KIAA0930: variants seen among roughly 807,000 people sequenced by gnomAD.
KIAA0930 encodes uncharacterized protein KIAA0930.
Under a neutral mutation model 43.9 loss-of-function variants are expected in KIAA0930, and 24 were observed. The observed-to-expected ratio is 0.55, with a 90% CI of 0.40 to 0.77. The LOEUF (loss-of-function observed/expected upper bound fraction) is 0.77. Among genes scored for constraint, KIAA0930 ranks in the 30% least tolerant of loss-of-function variants. The pLI is 0.00. For synonymous variants in KIAA0930, 259 were observed against 216.4 expected, an observed-to-expected ratio of 1.20 and a Z score of -1.73; for missense variants, 461 against 574.2, an observed-to-expected ratio of 0.80 and a Z score of 2.02.
At position 45,209,537 on chromosome 22, in the gene KIAA0930, C is replaced by T. The variant is rs147863774; in HGVS notation, c.216+2419G>A. On this transcript the variant is annotated intron_variant, in intron 2 of 9. Transcript: ENST00000336156. ...TGCACTCACTGGTCCCTCCACGGGG[C>T]GTGTCCTCAGCCCACTGCTGCCCGC... Among the ~76,000 whole-genome samples, 996 of 152,300 alleles carry T rather than the reference C, an allele frequency of 6.5e-3. 4 individuals carry two copies. Among genetic ancestry groups the T allele is most frequent in the Non-Finnish European group, 0.011 (753 of 68,018 alleles).
chr22:45,201,847 G>A (rs367618797), intron 7 of KIAA0930, among the ~76,000 whole-genome samples: 63 of 152,216 alleles, frequency 4.1e-4, no homozygotes, highest in African/African-American at 1.4e-3. Context: ...TATAACAAAC[G>A]CACACTCCCT....
intron 1 of KIAA0930, chr22:45,226,007 GA>G: frequency 3.4e-6 from 1 of 293,352 alleles, no homozygotes; most frequent in Non-Finnish European, 7.0e-6. Context: ...TCCCCACCCA[GA>G]AAAGGCCCTT....
At chr22:45,236,405 A>C (rs185450150) in intron 1 of KIAA0930, 93 of 152,412 alleles carry the variant, frequency 6.1e-4, no homozygotes, top group Middle Eastern at 3.4e-3. Flanking sequence ...TGCTTAGAGC[A>C]AAGTGAGCTT....
At chr22:45,238,578 A>G (rs931695062) in intron 1 of KIAA0930, among the ~76,000 whole-genome samples, 4 of 152,166 alleles carry the variant, frequency 2.6e-5, no homozygotes, top group African/African-American at 9.7e-5. Flanking sequence ...TTAAAGGAAA[A>G]CTTAGAGATG....
chr22:45,200,261 CGA>C (rs1325921251), intron 7 of KIAA0930: 1 of 447,712 alleles, frequency 2.2e-6, no homozygotes, highest in Non-Finnish European at 3.9e-6. Context: ...CAGTGCTACC[CGA>C]GGAGGGGCCA....
chr22:45,200,813 C>G (rs539978189), intron 7 of KIAA0930: 8 of 454,708 alleles, frequency 1.8e-5, no homozygotes, highest in Admixed American at 1.7e-4. Context: ...AGACAGCATG[C>G]TGGCTGTGGA....
chr22:45,238,565 G>C (rs2083899970), intron 1 of KIAA0930, among the ~76,000 whole-genome samples: 2 of 152,178 alleles, frequency 1.3e-5, no homozygotes, highest in Admixed American at 1.3e-4. Flanking sequence ...CTGGAGCTGA[G>C]ACTTAAAGGA....
chr22:45,203,985 C>G lies in KIAA0930; in HGVS notation c.517G>C (p.Val173Leu). Residue 173 changes from valine (V) to leucine (L), a missense_variant and splice_region_variant, in exon 6 of 10, where the codon GTG (valine) becomes CTG (leucine). Val to Leu is a conservative substitution (Grantham distance 32, BLOSUM62 1). Coordinates refer to ENST00000336156, the MANE Select transcript of KIAA0930 (RefSeq NM_001009880.2). ...TCCCCTACGGTCATGTCGCTGAACA[C>G]CTGGGCCAGGACACAAAGAGACAGG... ...IFFMIDSFEE[V>L]FSDMTVGEGE... 1 of 1,613,936 alleles carries G rather than the reference C, an allele frequency of 6.2e-7. No individual in the cohort carries two copies. The highest frequency in any genetic ancestry group is 2.2e-5 in the East Asian group (1 of 44,872).
intron 1 of KIAA0930, among the ~76,000 whole-genome samples, chr22:45,219,809 T>C (rs1185670096): frequency 6.6e-6 from 1 of 152,060 alleles, no homozygotes; most frequent in African/African-American, 2.4e-5. Flanking sequence ...CAGGCTGGTC[T>C]TGAGTGCCTG....
At chr22:45,223,797 GAGAC>G (rs1370046519) in intron 1 of KIAA0930, among the ~76,000 whole-genome samples, 1 of 141,362 alleles carries the variant, frequency 7.1e-6, no homozygotes, top group Non-Finnish European at 1.5e-5. Context: ...GGTCAGCACT[GAGAC>G]AGCACCCAGG....
chr22:45,204,902 C>G, intron 5 of KIAA0930, among the ~76,000 whole-genome samples: 1 of 152,272 alleles, frequency 6.6e-6, no homozygotes. Context: ...TCCTCCCGCC[C>G]GGGCAGTGCT....
At position 45,205,662 on chromosome 22, in the gene KIAA0930, C is replaced by T. The variant is rs767416805; in HGVS notation, c.382G>A (p.Gly128Arg). Residue 128 changes from glycine (G) to arginine (R), a missense_variant, in exon 4 of 10, where the codon GGG (glycine) becomes AGG (arginine). By Grantham distance (125) the Gly-to-Arg change is moderately radical. Transcript: ENST00000336156. ...TCAVCTRADG[G>R]DIHIHKKKSQ... ...TTCTTCTTATGGATGTGAATGTCCC[C>T]GCCGTCAGCACGTGTGCACACCGCA... 3.1e-5 allele frequency: 50 copies of T among 1,613,974 alleles called. No individual in the cohort carries two copies. The highest frequency in any genetic ancestry group is 1.6e-4 in the Middle Eastern group (1 of 6,084).
At position 45,197,838 on chromosome 22, in the gene KIAA0930, A is replaced by G; in HGVS notation, c.1126T>C (p.Tyr376His). ...LNRADGNFLL[Y>H]AHLTYVTLPL... ...AACGTGACGTAGGTTAAGTGTGCAT[A>G]GAGAAGGAAGTTTCCATCTGCTCTG... Residue 376 changes from tyrosine to histidine, a missense_variant, in exon 9 of 10, where the codon TAT (tyrosine) becomes CAT (histidine). Physicochemically the swap from Tyr to His is moderately conservative, Grantham distance 83. Transcript: ENST00000336156. 6.2e-7 allele frequency: 1 copy of G among 1,614,222 alleles called. No homozygotes were observed. Among genetic ancestry groups the G allele is most frequent in the Non-Finnish European group, 8.5e-7 (1 of 1,180,026 alleles).
intron 1 of KIAA0930, among the ~76,000 whole-genome samples, chr22:45,234,989 G>A (rs1017109076): frequency 1.5e-5 from 2 of 132,176 alleles, no homozygotes; most frequent in Non-Finnish European, 3.3e-5. Context: ...TTTCCGTAAT[G>A]TGCATGTGAC....
chr22:45,197,185 C>G lies in KIAA0930; in HGVS notation c.1206G>C (p.Leu402=), dbSNP rs1225635095. The G allele has an allele frequency of 6.5e-7, 1 of 1,549,878 alleles. No homozygotes were observed. The highest frequency in any genetic ancestry group is 1.4e-5 in the African/African-American group (1 of 72,952). ...CAGGCTCCGCACGCGGCTAGGTCAT[C>G]AGGATGGGCTTCTGCCGAACTTCCA... The part of the protein sequence containing the change: ...DILEVRQKPI[L]MT The change falls in exon 10 of 10, where the codon CTG becomes CTC. Residue 402 remains leucine (L), a synonymous_variant. Transcript: ENST00000336156.
chr22:45,212,487 G>A (rs2147749655), intron 1 of KIAA0930: 1 of 1,435,302 alleles, frequency 7.0e-7, no homozygotes, highest in African/African-American at 1.4e-5. Context: ...CTGGGGGGGA[G>A]CCTTTGGAGA....
chr22:45,197,159 G>T lies in KIAA0930; in HGVS notation c.*17C>A. 6.5e-7 allele frequency: 1 copy of T among 1,543,430 alleles called. No homozygotes were observed. Among genetic ancestry groups the T allele is most frequent in the Non-Finnish European group, 8.8e-7 (1 of 1,142,664 alleles). On this transcript the variant is annotated 3_prime_UTR_variant, in exon 10 of 10. Coordinates refer to ENST00000336156, the MANE Select transcript of KIAA0930 (RefSeq NM_001009880.2). ...GGGCTGGGCCCGGCCGGGGCTCTGC[G>T]CAGGCTCCGCACGCGGCTAGGTCAT... is the stretch of plus-strand genomic sequence containing the variant.
chr22:45,203,143 G>A lies in KIAA0930; in HGVS notation c.699C>T (p.Gly233=), dbSNP rs543737972. The change falls in exon 7 of 10, where the codon GGC becomes GGT. Residue 233 remains glycine, a synonymous_variant. Coordinates refer to ENST00000336156, the MANE Select transcript of KIAA0930 (RefSeq NM_001009880.2). ...AARMAQKMSF[G]FYKYSNMEFV... is the part of the protein sequence containing the mutation. ...ACTCCATGTTGCTGTACTTGTAGAA[G>A]CCAAACGACATCTTCTGTGCCATGC... The A allele has an allele frequency of 8.1e-6, 13 of 1,612,968 alleles. No individual in the cohort carries two copies. The highest frequency in any genetic ancestry group is 1.1e-5 in the Non-Finnish European group (13 of 1,179,508).
rs112384897 is a variant in KIAA0930 at position 45,204,474 on chromosome 22, G to A, written c.517-489C>T. On this transcript the variant is annotated intron_variant, in intron 5 of 9. Transcript: ENST00000336156. ...ACCTGGTGCACAGACTGTGAGCTCC[G>A]AGGCCACAAAGACTTAGACGCAAAT... 7.6e-4 allele frequency among the ~76,000 whole-genome samples: 116 copies of A among 152,282 alleles called. 1 individual carries two copies. Among genetic ancestry groups the A allele is most frequent in the African/African-American group, 2.7e-3 (114 of 41,558 alleles).
Sources: allele counts gnomAD v4.1 joint callset (sites outside exome capture counted in the v4.1 genomes callset), GRCh38; gene constraint gnomAD v4.1.1; transcripts MANE v1.5; gene names NCBI Gene and HGNC (gene_info 2026-07-23, HGNC 2026-07-21).